Variants in ZNF519 observed in about 807,000 individuals in gnomAD.
ZNF519 encodes the protein similar to Zinc finger protein 85 (Zinc finger protein HPF4) (HTF1).
Under a neutral mutation model 7.4 loss-of-function variants are expected in ZNF519, and 7 were observed. The ratio of observed to expected loss-of-function variants is 0.94; its 90% CI spans 0.54 to 1.77. The LOEUF (loss-of-function observed/expected upper bound fraction) is 1.77. Among genes scored for constraint, ZNF519 ranks in the 40% most tolerant of loss-of-function variants. The pLI is 0.00. For missense variants in ZNF519, 586 were observed against 623.1 expected (o/e 0.94, Z 0.63); for synonymous variants, 179 against 203.3 (o/e 0.88, Z 1.02).
chr18:14,102,240 T>A lies in ZNF519; in HGVS notation c.*2677A>T, dbSNP rs2046165474. 6.6e-6 allele frequency: 1 copy of A among 152,138 alleles called. No individual in the cohort carries two copies. The highest frequency in any genetic ancestry group is 1.5e-5 in the Non-Finnish European group (1 of 68,038). 9.4% of individuals were successfully genotyped at this position (152,138 alleles called of 1,614,324 possible). A position where few individuals can be genotyped will look rare whatever the true frequency, so the allele number is the denominator to read the frequency against. On this transcript the variant is annotated 3_prime_UTR_variant, in exon 3 of 3. Coordinates refer to ENST00000590202, the MANE Select transcript of ZNF519 (RefSeq NM_145287.4). ...TGCAGTGCAGTGACATGATCTTGGCTCACTGCAACCTCCACCTCTCAGGTT... is the reference window on the plus strand; with the variant it reads ...TGCAGTGCAGTGACATGATCTTGGCACACTGCAACCTCCACCTCTCAGGTT...
chr18:14,118,347 T>C (rs1296479438), intron 2 of ZNF519, among the ~76,000 whole-genome samples: 1 of 152,142 alleles, frequency 6.6e-6, no homozygotes, highest in African/African-American at 2.4e-5. Flanking sequence ...GGTGAGCCAC[T>C]GCGCCTGGCC....
chr18:14,126,358 G>A (rs2046299490), intron 1 of ZNF519, among the ~76,000 whole-genome samples: 2 of 152,226 alleles, frequency 1.3e-5, no homozygotes, highest in African/African-American at 2.4e-5. Context: ...AAACCCTTAC[G>A]TTTTCCTAGA....
chr18:14,111,170 A>T (rs543105894), intron 2 of ZNF519, among the ~76,000 whole-genome samples: 3 of 57,898 alleles, frequency 5.2e-5, no homozygotes, highest in African/African-American at 9.7e-5. Flanking sequence ...GTTGTTTTCT[A>T]AAAAAAAAAA....
chr18:14,092,851 C>G (rs2046119907), intron 2 of ZNF519, among the ~76,000 whole-genome samples: 1 of 152,162 alleles, frequency 6.6e-6, no homozygotes, highest in African/African-American at 2.4e-5. Flanking sequence ...TTGTGTCCAC[C>G]TCTCTTCCTA....
chr18:14,110,598 A>G (rs895249595), intron 2 of ZNF519, among the ~76,000 whole-genome samples: 23 of 152,214 alleles, frequency 1.5e-4, no homozygotes, highest in African/African-American at 5.5e-4. Flanking sequence ...GCTCAACATC[A>G]CTAATCAGAG....
chr18:14,072,704 C>T (rs1001168882), downstream of ZNF519: 8 of 152,084 alleles, frequency 5.3e-5, no homozygotes, highest in Admixed American at 1.3e-4. Context: ...AGCAGGAAAA[C>T]CGGCTGTTGC....
At chr18:14,126,131 T>G (rs1436540529) in intron 1 of ZNF519, among the ~76,000 whole-genome samples, 1 of 152,216 alleles carries the variant, frequency 6.6e-6, no homozygotes, top group Non-Finnish European at 1.5e-5. Flanking sequence ...TAGGCAGTTC[T>G]GTGAGAGATT....
chr18:14,108,371 T>C (rs1394808108), intron 2 of ZNF519, among the ~76,000 whole-genome samples: 3 of 151,990 alleles, frequency 2.0e-5, no homozygotes, highest in Non-Finnish European at 1.5e-5. Flanking sequence ...TTTTAATCAA[T>C]TGAATGGTGC....
At chr18:14,106,509 A>G in intron 2 of ZNF519, 100 bp from the exon 3 acceptor site, 1 of 1,003,876 alleles carries the variant, frequency 1.0e-6, no homozygotes, top group Non-Finnish European at 1.4e-6. Context: ...GAACATCAGC[A>G]CAATGCCATA....
At chr18:14,095,025 C>T (rs1186035519), downstream of ZNF519, among the ~76,000 whole-genome samples, 3 of 152,160 alleles carry the variant, frequency 2.0e-5, no homozygotes, top group African/African-American at 7.2e-5. Context: ...AACTTCGTCA[C>T]TTTAGGGTCA....
At chr18:14,094,731 G>GT (rs1244177208) in intron 2 of ZNF519, among the ~76,000 whole-genome samples, 6 of 152,062 alleles carry the variant, frequency 3.9e-5, no homozygotes, top group South Asian at 2.1e-4. Context: ...TTGGCCTATA[G>GT]TTTTTTTGTT....
intron 2 of ZNF519, among the ~76,000 whole-genome samples, chr18:14,116,990 A>C (rs1302965039): frequency 6.6e-6 from 1 of 152,196 alleles, no homozygotes; most frequent in Non-Finnish European, 1.5e-5. Context: ...CAGCATGGGC[A>C]ACGAGAGCAA....
rs2143116413 is a variant in ZNF519 at position 14,101,536 on chromosome 18, T to C, written c.*3381A>G. On this transcript the variant is annotated 3_prime_UTR_variant, in exon 3 of 3. Transcript: ENST00000590202. ...AGGAAGGAAACAGACTCAGGGTCCC[T>C]TGGATTAAAACTGTGGGTCACTCAA... 1 of 397,064 alleles carries C rather than the reference T, an allele frequency of 2.5e-6. No homozygotes were observed. Among genetic ancestry groups the C allele is most frequent in the South Asian group, 1.4e-4 (1 of 7,082 alleles). 24.6% of individuals were successfully genotyped at this position (397,064 alleles called of 1,614,324 possible). A position where few individuals can be genotyped will look rare whatever the true frequency, so the allele number is the denominator to read the frequency against.
In ZNF519 at chr18:14,106,297, TA is replaced by T. The variant is rs1450899352; in HGVS notation, c.242del (p.Leu81TyrfsTer8). ...YGSCGLENIC[L>X]WKNWESIGEG... Reference sequence around the variant, plus strand: ...CACCTATACTTTCCCAGTTTTTCCATAAGCATATATTTTCAAGGCCACAGCT... The same window carrying T: ...CACCTATACTTTCCCAGTTTTTCCATAGCATATATTTTCAAGGCCACAGCT... On this transcript the variant is annotated frameshift_variant, in exon 3 of 3. Coordinates refer to ENST00000590202, the MANE Select transcript of ZNF519 (RefSeq NM_145287.4). LOFTEE classifies it low-confidence loss of function (END_TRUNC). 4 of 1,613,420 alleles carry T rather than the reference TA, an allele frequency of 2.5e-6. No homozygotes were observed. Among genetic ancestry groups the T allele is most frequent in the Non-Finnish European group, 3.4e-6 (4 of 1,179,922 alleles).
intron 2 of ZNF519, among the ~76,000 whole-genome samples, chr18:14,116,949 T>C (rs1042410622): frequency 1.3e-5 from 2 of 152,166 alleles, no homozygotes; most frequent in African/African-American, 4.8e-5. Context: ...AGGGGAAGGT[T>C]GCAGTGAACC....
At chr18:14,126,013 C>T (rs1294318115) in intron 1 of ZNF519, among the ~76,000 whole-genome samples, 1 of 152,084 alleles carries the variant, frequency 6.6e-6, no homozygotes, top group Non-Finnish European at 1.5e-5. Context: ...ATTTAAGGCC[C>T]CAAAGTATAT....
chr18:14,117,026 A>G (rs995503492), intron 2 of ZNF519, among the ~76,000 whole-genome samples: 3 of 152,138 alleles, frequency 2.0e-5, no homozygotes. Flanking sequence ...TAATAATAAT[A>G]TAGGGAGAAA....
chr18:14,096,076 A>G (rs1226027986), downstream of ZNF519, among the ~76,000 whole-genome samples: 1 of 152,222 alleles, frequency 6.6e-6, no homozygotes, highest in East Asian at 1.9e-4. Context: ...GGTGTCACCT[A>G]CAGGACCTGG....
chr18:14,112,138 A>G (rs944953220), intron 2 of ZNF519, among the ~76,000 whole-genome samples: 11 of 152,184 alleles, frequency 7.2e-5, no homozygotes, highest in Admixed American at 5.9e-4. Flanking sequence ...CTCATGATCA[A>G]GTAGGATTTA....
Sources: allele counts gnomAD v4.1 joint callset (sites outside exome capture counted in the v4.1 genomes callset), GRCh38; gene constraint gnomAD v4.1.1; transcripts MANE v1.5; gene names NCBI Gene and HGNC (gene_info 2026-07-23, HGNC 2026-07-21).